Variants in ASTN1 observed in about 807,000 individuals in gnomAD.
ASTN1 encodes astrotactin 1.
In ASTN1, 41 loss-of-function variants were observed where a neutral mutation model predicts 140.7. The ratio of observed to expected loss-of-function variants is 0.29; its 90% CI spans 0.23 to 0.38. The LOEUF is 0.38. ASTN1 is among the 10% of genes least tolerant of loss of function. The pLI, the probability that ASTN1 is intolerant of heterozygous loss-of-function variation, is 1.00. For synonymous variants in ASTN1, 640 were observed against 652.2 expected, an observed-to-expected ratio of 0.98 and a Z score of 0.29; for missense variants, 1,479 against 1,678.8, an observed-to-expected ratio of 0.88 and a Z score of 2.08.
chr1:176,926,858 A>G (rs2103081448), intron 16 of ASTN1, among the ~76,000 whole-genome samples: 1 of 152,332 alleles, frequency 6.6e-6, no homozygotes, highest in East Asian at 1.9e-4. Context: ...GAACTACATC[A>G]GCCTGAAATA....
rs1004684540 is a variant in ASTN1, at chr1:177,041,928, T to C, written c.472-9079A>G. On this transcript the variant is annotated intron_variant, in intron 2 of 22. Coordinates refer to ENST00000361833, the MANE Select transcript of ASTN1 (RefSeq NM_004319.3). ...GAAAATCAACAGCATTAAAAACTAGTCACTGCAGGAAGACCTTATGCAGGG... is the reference window on the plus strand; with the variant it reads ...GAAAATCAACAGCATTAAAAACTAGCCACTGCAGGAAGACCTTATGCAGGG... Among the ~76,000 whole-genome samples the C allele has an allele frequency of 1.9e-4, 29 of 152,200 alleles. 1 individual carries two copies. Among genetic ancestry groups the C allele is most frequent in the Admixed American group, 1.8e-3 (28 of 15,286 alleles).
At chr1:177,112,970 C>T (rs1449896165) in intron 1 of ASTN1, among the ~76,000 whole-genome samples, 2 of 152,340 alleles carry the variant, frequency 1.3e-5, no homozygotes, top group Non-Finnish European at 2.9e-5. Flanking sequence ...GTAGAGCTAA[C>T]TTTAACTAGC....
At chr1:177,117,223 T>C (rs925800999) in intron 1 of ASTN1, among the ~76,000 whole-genome samples, 1 of 152,138 alleles carries the variant, frequency 6.6e-6, no homozygotes, top group African/African-American at 2.4e-5. Context: ...ATTCACTCAG[T>C]GACCAAGTCC....
Position 176,994,825 on chromosome 1 carries a change from G to A in ASTN1, c.1523+19966C>T, listed in dbSNP as rs562882493. The stretch of plus-strand genomic sequence containing the variant: ...TACTAGATGCTTTGAACAGTGTGTA[G>A]CATGTAATAAGCCCTAAATGATTGT... On this transcript the variant is annotated intron_variant, in intron 8 of 22. Coordinates refer to ENST00000361833, the MANE Select transcript of ASTN1 (RefSeq NM_004319.3). 3.7e-4 allele frequency among the ~76,000 whole-genome samples: 57 copies of A among 152,204 alleles called. 1 individual carries two copies. The highest frequency in any genetic ancestry group is 6.2e-4 in the Non-Finnish European group (42 of 68,022).
chr1:176,958,316 G>T (rs375489353), intron 10 of ASTN1, 29 bp downstream of exon 10: 171 of 1,611,674 alleles, frequency 1.1e-4, no homozygotes, highest in Non-Finnish European at 1.4e-4. Flanking sequence ...CAAGCCAATT[G>T]CAGGCCTCAG....
intron 1 of ASTN1, among the ~76,000 whole-genome samples, chr1:177,096,384 T>C (rs151110113): frequency 1.2e-4 from 18 of 152,302 alleles, no homozygotes; most frequent in African/African-American, 4.3e-4. Flanking sequence ...TGAATGTTTG[T>C]GTCTCCCAAA....
At chr1:176,871,176 G>A (rs1668326440) in intron 21 of ASTN1, among the ~76,000 whole-genome samples, 1 of 152,128 alleles carries the variant, frequency 6.6e-6, no homozygotes, top group East Asian at 1.9e-4. Flanking sequence ...CAAGAAAGAG[G>A]GAATCCTAGT....
At chr1:177,135,630 G>C (rs1682158324) in intron 1 of ASTN1, among the ~76,000 whole-genome samples, 1 of 152,194 alleles carries the variant, frequency 6.6e-6, no homozygotes, top group South Asian at 2.1e-4. Flanking sequence ...GGGGAAAGCA[G>C]GGCAAGGGGA....
In ASTN1 at chr1:176,907,228, T is replaced by C. The variant is rs368170120; in HGVS notation, c.2672-12398A>G. Reference sequence around the variant, plus strand: ...GATTCTGACTTAGGCCATCTTCAGATAACATGTTGAGATCCACCACCCTGG... The same window carrying C: ...GATTCTGACTTAGGCCATCTTCAGACAACATGTTGAGATCCACCACCCTGG... On this transcript the variant is annotated intron_variant, in intron 16 of 22. Transcript: ENST00000361833. Among the ~76,000 whole-genome samples, 2 of 152,240 alleles carry C rather than the reference T, an allele frequency of 1.3e-5. 1 individual carries two copies.
chr1:177,027,407 C>T (rs962704963), intron 5 of ASTN1, among the ~76,000 whole-genome samples: 1 of 151,862 alleles, frequency 6.6e-6, no homozygotes, highest in Non-Finnish European at 1.5e-5. Context: ...TCTGCATCAT[C>T]GACCCATAAT....
intron 18 of ASTN1, among the ~76,000 whole-genome samples, chr1:176,885,952 A>G (rs1248780579): frequency 6.6e-6 from 1 of 152,012 alleles, no homozygotes; most frequent in Non-Finnish European, 1.5e-5. Flanking sequence ...CATAGTTTGC[A>G]TATGACATTG....
chr1:176,862,086 GC>G lies in ASTN1; in HGVS notation c.*2197del. 1 of 985,424 alleles carries G rather than the reference GC, an allele frequency of 1.0e-6. No individual in the cohort carries two copies. Among genetic ancestry groups the G allele is most frequent in the African/African-American group, 1.7e-5 (1 of 57,346 alleles). 61.0% of individuals were successfully genotyped at this position (985,424 alleles called of 1,614,324 possible). Reference sequence around the variant, plus strand: ...CAGTAGCAGCAAAGAGATGCTCTGGGCCCTGTCTGATTGGCCTGTCACATCT... The same window carrying G: ...CAGTAGCAGCAAAGAGATGCTCTGGGCCTGTCTGATTGGCCTGTCACATCT... On this transcript the variant is annotated 3_prime_UTR_variant, in exon 23 of 23. Transcript: ENST00000361833.
chr1:176,998,606 A>G (rs1292139740), intron 8 of ASTN1, among the ~76,000 whole-genome samples: 1 of 152,240 alleles, frequency 6.6e-6, no homozygotes, highest in East Asian at 1.9e-4. Flanking sequence ...CTCTCAAAGA[A>G]GAAAAATCAG....
intron 17 of ASTN1, among the ~76,000 whole-genome samples, chr1:176,892,305 G>C (rs1273525042): frequency 6.6e-6 from 1 of 152,138 alleles, no homozygotes; most frequent in Non-Finnish European, 1.5e-5. Flanking sequence ...CCAGTGAGAA[G>C]ATTACTTTAA....
At chr1:176,878,050 C>T (rs1251829071) in intron 20 of ASTN1, among the ~76,000 whole-genome samples, 1 of 152,178 alleles carries the variant, frequency 6.6e-6, no homozygotes, top group Non-Finnish European at 1.5e-5. Flanking sequence ...CCCCAATACG[C>T]CATTTGCCTT....
intron 1 of ASTN1, among the ~76,000 whole-genome samples, chr1:177,061,862 C>T (rs1423780387): frequency 6.6e-6 from 1 of 152,238 alleles, no homozygotes; most frequent in East Asian, 1.9e-4. Context: ...GTTATAATTC[C>T]TTTTAATTTT....
At chr1:176,866,201 G>A (rs1044031553) in intron 22 of ASTN1, among the ~76,000 whole-genome samples, 1 of 152,162 alleles carries the variant, frequency 6.6e-6, no homozygotes, top group African/African-American at 2.4e-5. Context: ...AGGGTGAGCT[G>A]GGAGAAGGGC....
At position 176,985,845 on chromosome 1, in the gene ASTN1, T is replaced by TACACACACACACAC. The variant is rs60769752; in HGVS notation, c.1524-20622_1524-20609dup. Among the ~76,000 whole-genome samples the TACACACACACACAC allele has an allele frequency of 6.2e-5, 8 of 129,744 alleles. No homozygotes were observed. The South Asian group carries it at 8.2e-4, about 13-fold the overall frequency. The allele number at this position is 129,744 out of a possible 152,430, so 85.1% of individuals were successfully genotyped here. On this transcript the variant is annotated intron_variant, in intron 8 of 22. Transcript: ENST00000361833. ...TATTGGTTCTCTCTCTCTCTCTCTCTACACACACACACACACACACACACA... is the reference window on the plus strand; with the variant it reads ...TATTGGTTCTCTCTCTCTCTCTCTCTACACACACACACACACACACACACACACACACACACACA...
intron 14 of ASTN1, among the ~76,000 whole-genome samples, chr1:176,942,866 A>AGATT (rs1671798828): frequency 1.4e-5 from 1 of 69,978 alleles, no homozygotes; most frequent in East Asian, 7.0e-4. Context: ...ATATATATAT[A>AGATT]GATTGATGTC....
Sources: allele counts gnomAD v4.1 joint callset (sites outside exome capture counted in the v4.1 genomes callset), GRCh38; gene constraint gnomAD v4.1.1; transcripts MANE v1.5; gene names NCBI Gene and HGNC (gene_info 2026-07-23, HGNC 2026-07-21).